CTNND2: variants seen among roughly 807,000 people sequenced by gnomAD.
CTNND2 encodes the protein catenin delta 2, also known as catenin delta-2.
CTNND2 carries 22 observed loss-of-function variants against 144.4 expected under a neutral mutation model. The observed-to-expected ratio is 0.15, with a 90% CI of 0.11 to 0.22. CTNND2 has a LOEUF of 0.22. CTNND2 is among the 10% of genes least tolerant of loss of function. The probability of loss-of-function intolerance (pLI) is 1.00; values close to 1 mark genes in which losing one functional copy is unlikely to be tolerated. For synonymous variants in CTNND2, 751 were observed against 695.6 expected, an observed-to-expected ratio of 1.08 and a Z score of -1.25; for missense variants, 1,353 against 1,618.8, an observed-to-expected ratio of 0.84 and a Z score of 2.82.
chr5:11,749,125 C>T (rs1057386987), intron 1 of CTNND2, among the ~76,000 whole-genome samples: 3 of 152,014 alleles, frequency 2.0e-5, no homozygotes, highest in Non-Finnish European at 4.4e-5. Context: ...GACATTTAGA[C>T]AGCAGATCTT....
chr5:11,601,635 A>G (rs1460936858), intron 2 of CTNND2, among the ~76,000 whole-genome samples: 1 of 152,158 alleles, frequency 6.6e-6, no homozygotes, highest in African/African-American at 2.4e-5. Flanking sequence ...ATATGTCATA[A>G]TAATACATAA....
rs35979486 is a variant in CTNND2, at chr5:11,520,149, G to GA, written c.287+44794dup. On this transcript the variant is annotated intron_variant, in intron 3 of 21. Transcript: ENST00000304623. Reference sequence around the variant, plus strand: ...GCAACAAGAGTGAAACTCTGTCTTGGAAAAAAAAAAAAAAAAAGAAAGAAA... The same window carrying GA: ...GCAACAAGAGTGAAACTCTGTCTTGGAAAAAAAAAAAAAAAAAAGAAAGAAA... 1.6e-3 allele frequency among the ~76,000 whole-genome samples: 194 copies of GA among 123,432 alleles called. 1 individual carries two copies. Among genetic ancestry groups the GA allele is most frequent in the East Asian group, 4.5e-3 (19 of 4,224 alleles). The allele number at this position is 123,432 out of a possible 152,430, so 81.0% of individuals were successfully genotyped here. A position where few individuals can be genotyped will look rare whatever the true frequency, so the allele number is the denominator to read the frequency against.
chr5:11,352,343 G>A (rs1391803482), intron 8 of CTNND2, among the ~76,000 whole-genome samples: 2 of 152,174 alleles, frequency 1.3e-5, no homozygotes, highest in Admixed American at 6.5e-5. Context: ...CGAATATGAT[G>A]TAAAACCCTA....
At chr5:11,230,848 G>T (rs930556954) in intron 10 of CTNND2, among the ~76,000 whole-genome samples, 1 of 152,178 alleles carries the variant, frequency 6.6e-6, no homozygotes, top group Admixed American at 6.5e-5. Flanking sequence ...CCCTGGATCA[G>T]AGAACTCAGT....
intron 2 of CTNND2, among the ~76,000 whole-genome samples, chr5:11,653,358 T>C (rs896265269): frequency 1.3e-5 from 2 of 152,104 alleles, no homozygotes; most frequent in Admixed American, 6.6e-5. Flanking sequence ...TTCAGTCTCA[T>C]GATGAGGGTT....
chr5:11,294,331 A>G (rs927787313), intron 9 of CTNND2, among the ~76,000 whole-genome samples: 1 of 152,156 alleles, frequency 6.6e-6, no homozygotes, highest in Non-Finnish European at 1.5e-5. Flanking sequence ...TCTGTTTCCA[A>G]TGGTTCTCTC....
At chr5:11,468,412 A>G (rs1766865315) in intron 3 of CTNND2, among the ~76,000 whole-genome samples, 1 of 152,206 alleles carries the variant, frequency 6.6e-6, no homozygotes, top group South Asian at 2.1e-4. Flanking sequence ...CAGCTATGGG[A>G]TACTTTTTAA....
At chr5:11,638,467 T>C (rs1046528934) in intron 2 of CTNND2, among the ~76,000 whole-genome samples, 4 of 152,204 alleles carry the variant, frequency 2.6e-5, no homozygotes, top group African/African-American at 7.2e-5. Context: ...GGCCCTTAAA[T>C]TCTCTGCAAC....
At chr5:11,864,355 C>T (rs931490896) in intron 1 of CTNND2, among the ~76,000 whole-genome samples, 4 of 152,146 alleles carry the variant, frequency 2.6e-5, no homozygotes, top group African/African-American at 9.7e-5. Context: ...ATGTGGATGC[C>T]ACAATAAGCA....
At chr5:11,155,039 T>C (rs1230410171) in intron 12 of CTNND2, among the ~76,000 whole-genome samples, 1 of 152,238 alleles carries the variant, frequency 6.6e-6, no homozygotes, top group Non-Finnish European at 1.5e-5. Flanking sequence ...TAAGATCACA[T>C]TCTGAAGTTC....
chr5:11,109,343 T>C (rs2149682353), intron 14 of CTNND2, among the ~76,000 whole-genome samples: 1 of 152,316 alleles, frequency 6.6e-6, no homozygotes, highest in South Asian at 2.1e-4. Context: ...GCATGCATCA[T>C]ATTTTTGTAT....
chr5:11,330,587 G>A (rs1385640779), intron 9 of CTNND2, among the ~76,000 whole-genome samples: 7 of 151,410 alleles, frequency 4.6e-5, no homozygotes, highest in African/African-American at 1.2e-4. Flanking sequence ...GCAGAAGGGC[G>A]AGGCGGGTGG....
chr5:11,890,111 T>C (rs927793430), intron 1 of CTNND2, among the ~76,000 whole-genome samples: 1 of 152,214 alleles, frequency 6.6e-6, no homozygotes, highest in Non-Finnish European at 1.5e-5. Flanking sequence ...AAAAGTAGCC[T>C]GAAAATTCCC....
intron 9 of CTNND2, among the ~76,000 whole-genome samples, chr5:11,241,025 C>T (rs542127122): frequency 6.7e-6 from 1 of 149,562 alleles, no homozygotes; most frequent in Admixed American, 6.7e-5. Context: ...ACCCAACACA[C>T]ACACCCACCC....
At chr5:11,300,258 G>A (rs1749447399) in intron 9 of CTNND2, among the ~76,000 whole-genome samples, 2 of 152,134 alleles carry the variant, frequency 1.3e-5, no homozygotes, top group Non-Finnish European at 1.5e-5. Flanking sequence ...AGAAGGGAAT[G>A]AGGATAAGAA....
chr5:11,085,645 A>T (rs1422910506), intron 15 of CTNND2, among the ~76,000 whole-genome samples: 1 of 152,164 alleles, frequency 6.6e-6, no homozygotes, highest in Admixed American at 6.5e-5. Context: ...TAAAAGATGG[A>T]ATATATTTGA....
chr5:11,513,495 G>T (rs184043130), intron 3 of CTNND2, among the ~76,000 whole-genome samples: 3 of 152,040 alleles, frequency 2.0e-5, no homozygotes, highest in Admixed American at 2.0e-4. Context: ...AGGTTCCTAC[G>T]CTCACCTACT....
At chr5:11,184,462 G>T (rs1735418063) in intron 11 of CTNND2, among the ~76,000 whole-genome samples, 1 of 152,146 alleles carries the variant, frequency 6.6e-6, no homozygotes, top group African/African-American at 2.4e-5. Flanking sequence ...AATCCAACAT[G>T]CATGAAAGCC....
intron 12 of CTNND2, among the ~76,000 whole-genome samples, chr5:11,150,082 G>A (rs1031418262): frequency 1.3e-5 from 2 of 152,192 alleles, no homozygotes; most frequent in African/African-American, 4.8e-5. Context: ...CCACGGGGCT[G>A]TGCAGGAAGG....
Sources: allele counts gnomAD v4.1 joint callset (sites outside exome capture counted in the v4.1 genomes callset), GRCh38; gene constraint gnomAD v4.1.1; transcripts MANE v1.5; gene names NCBI Gene and HGNC (gene_info 2026-07-23, HGNC 2026-07-21).